Variants in FBXL7 observed in about 807,000 individuals in gnomAD.
FBXL7 encodes F-box/LRR-repeat protein 7.
In FBXL7, 12 loss-of-function variants were observed where a neutral mutation model predicts 38.3. The observed-to-expected ratio is 0.31, with a 90% confidence interval of 0.20 to 0.51. FBXL7 has a LOEUF of 0.51. Ranked by LOEUF, FBXL7 falls within the 20% of genes least tolerant of loss-of-function variation. FBXL7 has a pLI of 0.98. For synonymous variants in FBXL7, 297 were observed against 300.9 expected (o/e 0.99, Z 0.13); for missense variants, 567 against 676.4 (o/e 0.84, Z 1.79).
chr5:15,928,384 G>C lies in FBXL7; in HGVS notation c.622G>C (p.Ala208Pro). The C allele has an allele frequency of 1.2e-6, 2 of 1,614,036 alleles. No individual in the cohort carries two copies. Among genetic ancestry groups the C allele is most frequent in the Non-Finnish European group, 1.7e-6 (2 of 1,179,900 alleles). ...CACAGACCGAGGGCTGTACACCATCGCCCAGTGCTGCCCCGAACTGAGGCG... is the reference window on the plus strand; with the variant it reads ...CACAGACCGAGGGCTGTACACCATCCCCCAGTGCTGCCCCGAACTGAGGCG... ...RLTDRGLYTI[A>P]QCCPELRRLE... is the part of the protein sequence containing the mutation. Residue 208 changes from alanine to proline, a missense_variant, in exon 3 of 4, where the codon GCC (alanine) becomes CCC (proline). Coordinates refer to ENST00000504595, the MANE Select transcript of FBXL7 (RefSeq NM_012304.5). This position sits in a 1 kb window ranked among gnomAD's most constrained non-coding sequence, Gnocchi z 4.0.
Position 15,928,514 on chromosome 5 carries a change from T to C in FBXL7, c.739+13T>C. 4 of 1,600,584 alleles carry C rather than the reference T, an allele frequency of 2.5e-6. No individual in the cohort carries two copies. The highest frequency in any genetic ancestry group is 1.1e-5 in the South Asian group (1 of 89,182). On this transcript the variant is annotated intron_variant, in intron 3 of 3. Transcript: ENST00000504595. This position sits in a 1 kb window ranked among gnomAD's most constrained non-coding sequence, Gnocchi z 4.0. ...CTGGATGTGTCAGGTAAATGGACAC[T>C]GACCTACCAGCTATGGGCCCTCCTG...
intron 2 of FBXL7, among the ~76,000 whole-genome samples, chr5:15,784,137 A>G (rs1386872455): frequency 6.6e-6 from 1 of 152,110 alleles, no homozygotes. Context: ...GGTCAAGATT[A>G]TCTTAAAGAG....
Position 15,825,199 on chromosome 5 carries a change from T to C in FBXL7, c.128-102691T>C, listed in dbSNP as rs558434154. ...CCAATTTTCAGTGTTTATTTTCTTA[T>C]GTTTCCTTGTTATGCTTGCTAATAC... On this transcript the variant is annotated intron_variant, in intron 2 of 3. Coordinates refer to ENST00000504595, the MANE Select transcript of FBXL7 (RefSeq NM_012304.5). 3.9e-5 allele frequency among the ~76,000 whole-genome samples: 6 copies of C among 152,328 alleles called. No individual in the cohort carries two copies. In the East Asian group the frequency reaches 7.7e-4, roughly 20 times the overall value.
At chr5:15,634,852 A>G (rs1412180799) in intron 2 of FBXL7, among the ~76,000 whole-genome samples, 1 of 152,134 alleles carries the variant, frequency 6.6e-6, no homozygotes, top group Admixed American at 6.5e-5. Context: ...AGCCAGTAGC[A>G]TAGCCTCTGC....
intron 2 of FBXL7, among the ~76,000 whole-genome samples, chr5:15,787,074 G>A (rs1278424282): frequency 1.3e-5 from 2 of 152,178 alleles, no homozygotes; most frequent in Admixed American, 6.5e-5. Context: ...CCAGCAGCTG[G>A]AAGAGGCCAG....
chr5:15,809,805 A>C (rs1018873641), intron 2 of FBXL7, among the ~76,000 whole-genome samples: 1 of 152,182 alleles, frequency 6.6e-6, no homozygotes, highest in Non-Finnish European at 1.5e-5. Flanking sequence ...CTTGAAAATA[A>C]CTTTGATTTT....
chr5:15,572,317 T>G (rs1738814376), intron 1 of FBXL7, among the ~76,000 whole-genome samples: 1 of 149,672 alleles, frequency 6.7e-6, no homozygotes, highest in Non-Finnish European at 1.5e-5. Context: ...TGGTTTAAAA[T>G]GTTACATGCA....
intron 2 of FBXL7, among the ~76,000 whole-genome samples, chr5:15,732,174 A>G (rs974975678): frequency 6.6e-6 from 1 of 152,222 alleles, no homozygotes; most frequent in Non-Finnish European, 1.5e-5. Context: ...CTCTTATGCG[A>G]ATTCCACAGA....
chr5:15,665,590 A>G (rs1464970227), intron 2 of FBXL7, among the ~76,000 whole-genome samples: 2 of 152,124 alleles, frequency 1.3e-5, no homozygotes, highest in Non-Finnish European at 2.9e-5. Context: ...GAAGTTGTTT[A>G]CCATCTAGAT....
intron 2 of FBXL7, among the ~76,000 whole-genome samples, chr5:15,704,561 C>CAGTT (rs1743624711): frequency 6.6e-6 from 1 of 152,164 alleles, no homozygotes; most frequent in Non-Finnish European, 1.5e-5. Context: ...TCCAATAATT[C>CAGTT]AGTTAAACTC....
intron 1 of FBXL7, among the ~76,000 whole-genome samples, chr5:15,562,200 C>A (rs1738433504): frequency 6.6e-6 from 1 of 151,992 alleles, no homozygotes; most frequent in Admixed American, 6.6e-5. Flanking sequence ...GATATTGGCT[C>A]CAGCAATGAT....
chr5:15,883,228 T>C (rs1172291032), intron 2 of FBXL7, among the ~76,000 whole-genome samples: 1 of 152,254 alleles, frequency 6.6e-6, no homozygotes, highest in Non-Finnish European at 1.5e-5. Context: ...GTATAGATGC[T>C]GCCTAAAAGC....
chr5:15,702,839 G>A (rs1407146559), intron 2 of FBXL7, among the ~76,000 whole-genome samples: 1 of 152,136 alleles, frequency 6.6e-6, no homozygotes, highest in African/African-American at 2.4e-5. Flanking sequence ...AAGAGAGTCA[G>A]CCAAGGGAGA....
chr5:15,913,548 G>T lies in FBXL7; in HGVS notation c.128-14342G>T, dbSNP rs1360132253. ...CTCCCTGTGGGGCTTGTTTTCTGCT[G>T]TGAACTGAAAATGTATTAGTATCTT... is the stretch of plus-strand genomic sequence containing the variant. On this transcript the variant is annotated intron_variant, in intron 2 of 3. Transcript: ENST00000504595. 3.3e-5 allele frequency among the ~76,000 whole-genome samples: 5 copies of T among 152,124 alleles called. No homozygotes were observed. In the East Asian group the frequency reaches 9.6e-4, roughly 29 times the overall value.
intron 2 of FBXL7, among the ~76,000 whole-genome samples, chr5:15,860,061 A>G (rs1739411786): frequency 6.6e-6 from 1 of 152,206 alleles, no homozygotes. Context: ...ACTGTACATC[A>G]TAGAGATTTT....
intron 2 of FBXL7, among the ~76,000 whole-genome samples, chr5:15,703,441 TACTG>T (rs1194273980): frequency 6.6e-6 from 1 of 152,244 alleles, no homozygotes; most frequent in Non-Finnish European, 1.5e-5. Flanking sequence ...TGTCTGGTAA[TACTG>T]ACATAAAATT....
At chr5:15,729,036 G>A (rs1347939042) in intron 2 of FBXL7, among the ~76,000 whole-genome samples, 1 of 152,086 alleles carries the variant, frequency 6.6e-6, no homozygotes, top group Non-Finnish European at 1.5e-5. Flanking sequence ...AATGTTTAAT[G>A]CATTTGTGGA....
intron 2 of FBXL7, among the ~76,000 whole-genome samples, chr5:15,886,358 G>A (rs1740679125): frequency 6.6e-6 from 1 of 152,056 alleles, no homozygotes. Flanking sequence ...AAGGCTCTGT[G>A]TCCCTGTGGG....
intron 2 of FBXL7, among the ~76,000 whole-genome samples, chr5:15,738,371 A>G (rs1735810746): frequency 6.6e-6 from 1 of 152,234 alleles, no homozygotes; most frequent in African/African-American, 2.4e-5. Context: ...TTAGGAACCT[A>G]TCATACCTAA....
Sources: gnomAD v4.1 joint callset for allele counts (sites outside exome capture counted in the v4.1 genomes callset) on GRCh38, gnomAD v4.1.1 for gene constraint, Gnocchi (gnomAD v3.1) non-coding constraint, MANE v1.5 for transcripts, NCBI Gene and HGNC (gene_info 2026-07-23, HGNC 2026-07-21) for gene names.